ARHGEF10L: variants seen among roughly 807,000 people sequenced by gnomAD.
ARHGEF10L encodes the protein rho guanine nucleotide exchange factor 10-like protein.
A neutral mutation model predicts 141.2 loss-of-function variants in ARHGEF10L; 69 were observed. That is an observed-to-expected ratio of 0.49 (90% confidence interval 0.40 to 0.60). The LOEUF is 0.60. Among genes scored for constraint, ARHGEF10L ranks in the 20% least tolerant of loss-of-function variants. The pLI, the probability that ARHGEF10L is intolerant of heterozygous loss-of-function variation, is 0.00. For synonymous variants in ARHGEF10L, 711 were observed against 718.5 expected (o/e 0.99, Z 0.17); for missense variants, 1,482 against 1,734.3 (o/e 0.85, Z 2.58).
At chr1:17,554,398 G>T (rs375110937) in intron 1 of ARHGEF10L, among the ~76,000 whole-genome samples, 303 of 152,146 alleles carry the variant, frequency 2.0e-3, no homozygotes, top group African/African-American at 7.0e-3. Context: ...GAGGAGCTGA[G>T]GGTCAGACAG....
intron 1 of ARHGEF10L, among the ~76,000 whole-genome samples, chr1:17,543,626 T>C (rs1327276443): frequency 6.6e-6 from 1 of 152,136 alleles, no homozygotes; most frequent in Non-Finnish European, 1.5e-5. Context: ...CATCATTAAG[T>C]AAATTATATA....
In ARHGEF10L at chr1:17,557,388, C is replaced by T. The variant is rs145531355; in HGVS notation, c.-44+17438C>T. On this transcript the variant is annotated intron_variant, in intron 1 of 28. Transcript: ENST00000361221. ...AACCAAAAAAAACAAAAAGAAAATG[C>T]GTAGGAACATGCTAACCTTTTGGGG... is the stretch of plus-strand genomic sequence containing the variant. 3.7e-3 allele frequency among the ~76,000 whole-genome samples: 568 copies of T among 151,920 alleles called. 3 individuals are homozygous for T. The highest frequency in any genetic ancestry group is 0.013 in the African/African-American group (537 of 41,434).
In ARHGEF10L at chr1:17,627,476, C is replaced by A; in HGVS notation, c.1557C>A (p.Ser519Arg). The A allele has an allele frequency of 6.2e-7, 1 of 1,612,484 alleles. No homozygotes were observed. Among genetic ancestry groups the A allele is most frequent in the Non-Finnish European group, 8.5e-7 (1 of 1,179,988 alleles). The change falls in exon 15 of 29, where the codon AGC (serine) becomes AGA (arginine). Residue 519 changes from serine to arginine, a missense_variant. By Grantham distance (110) the Ser-to-Arg change is moderately radical (BLOSUM62 -1). Coordinates refer to ENST00000361221, the MANE Select transcript of ARHGEF10L (RefSeq NM_018125.4). This position sits in a 1 kb window ranked among gnomAD's most constrained non-coding sequence, Gnocchi z 4.0. The stretch of plus-strand genomic sequence containing the variant: ...CTGAGATCCAGCAGCTGACCAAGAG[C>A]GTCAGTGACCGCAGCAGCCTCAACA... Reference protein sequence around the residue: ...QVAEIQQLTKSVSDRSSLNKL... With the variant: ...QVAEIQQLTKRVSDRSSLNKL...
intron 18 of ARHGEF10L, among the ~76,000 whole-genome samples, chr1:17,636,338 A>G (rs1209729784): frequency 6.6e-6 from 1 of 152,200 alleles, no homozygotes; most frequent in Non-Finnish European, 1.5e-5. Context: ...ATACAAACGC[A>G]AAACTCCCTG....
chr1:17,551,060 T>C (rs2077094641), intron 1 of ARHGEF10L, among the ~76,000 whole-genome samples: 1 of 151,944 alleles, frequency 6.6e-6, no homozygotes, highest in Admixed American at 6.6e-5. Flanking sequence ...CACGACTGTG[T>C]AGGGAGTGAG....
At chr1:17,626,176 G>C in intron 14 of ARHGEF10L, 128 bp downstream of exon 14, 1 of 709,050 alleles carries the variant, frequency 1.4e-6, no homozygotes. Context: ...ACCTGCTGTG[G>C]GACTCTGGCC....
At chr1:17,552,214 G>A (rs1289978529) in intron 1 of ARHGEF10L, among the ~76,000 whole-genome samples, 1 of 152,136 alleles carries the variant, frequency 6.6e-6, no homozygotes, top group Admixed American at 6.6e-5. Flanking sequence ...GGGGAGATGG[G>A]GAGCACTTCC....
chr1:17,601,562 C>T (rs1414745582), intron 4 of ARHGEF10L, among the ~76,000 whole-genome samples: 1 of 152,126 alleles, frequency 6.6e-6, no homozygotes, highest in African/African-American at 2.4e-5. Flanking sequence ...TCTTGTGCAC[C>T]AGCCTCCTGA....
the ARHGEF10L span, among the ~76,000 whole-genome samples, chr1:17,520,191 T>C: frequency 5.9e-5 from 9 of 152,200 alleles, no homozygotes; most frequent in Non-Finnish European, 1.3e-4. Context: ...CCGGCTGGCT[T>C]GACTCAGTCT....
rs181962037 is a variant in ARHGEF10L at position 17,597,051 on chromosome 1, C to T, written c.258-5076C>T. On this transcript the variant is annotated intron_variant, in intron 4 of 28. Transcript: ENST00000361221. ...CTTCTGGTGCACTTGAACTCCTCTG[C>T]CGGCAATGTAGGTTGCTGCTTGGGG... 5.0e-4 allele frequency among the ~76,000 whole-genome samples: 76 copies of T among 152,300 alleles called. 1 individual carries two copies. The highest frequency in any genetic ancestry group is 6.8e-3 in the Middle Eastern group (2 of 294).
chr1:17,622,234 G>A (rs904894658), intron 11 of ARHGEF10L, among the ~76,000 whole-genome samples: 5 of 152,174 alleles, frequency 3.3e-5, no homozygotes, highest in African/African-American at 1.2e-4. Context: ...GTGTCCTCCT[G>A]CCACTCTGGA....
chr1:17,634,488 C>A, intron 16 of ARHGEF10L, 60 bp from the exon 17 acceptor site: 1 of 1,614,060 alleles, frequency 6.2e-7, no homozygotes, highest in African/African-American at 1.3e-5. Context: ...GGTCACAGCC[C>A]CCAGATTAGC....
chr1:17,531,978 C>T, the ARHGEF10L span, among the ~76,000 whole-genome samples: 7 of 152,176 alleles, frequency 4.6e-5, no homozygotes, highest in Admixed American at 2.6e-4. Flanking sequence ...ACAGCCTAGG[C>T]GAGCCAGTGG....
the ARHGEF10L span, among the ~76,000 whole-genome samples, chr1:17,525,561 A>G: frequency 6.6e-6 from 1 of 152,334 alleles, no homozygotes; most frequent in African/African-American, 2.4e-5. Context: ...CAGGAGGCTG[A>G]GATGGAAGGA....
chr1:17,626,168 C>T, intron 14 of ARHGEF10L, 120 bp downstream of exon 14: 2 of 758,834 alleles, frequency 2.6e-6, no homozygotes, highest in Non-Finnish European at 4.4e-6. Context: ...CCCACCCAAC[C>T]TGCTGTGGGA....
chr1:17,617,648 G>A (rs2059879668), intron 9 of ARHGEF10L, among the ~76,000 whole-genome samples: 1 of 152,256 alleles, frequency 6.6e-6, no homozygotes, highest in South Asian at 2.1e-4. Context: ...TGCAGCAGAA[G>A]GAACACAGGC....
chr1:17,656,701 G>A lies in ARHGEF10L; in HGVS notation c.2853G>A (p.Arg951=). ...ATGGGACCCTTGCTGCTTACCCTCG[G>A]ACCAGCGGTGAGGACTGGGGGGAAT... ...LQDGTLAAYP[R]TSGGVLWDLE... is the part of the protein sequence containing the mutation. Residue 951 remains arginine (R), a synonymous_variant, in exon 25 of 29, where the codon CGG becomes CGA. Coordinates refer to ENST00000361221, the MANE Select transcript of ARHGEF10L (RefSeq NM_018125.4). The surrounding 1 kb of genome is among the most constrained non-coding windows in gnomAD (Gnocchi z 4.9). 1 of 1,612,456 alleles carries A rather than the reference G, an allele frequency of 6.2e-7. No homozygotes were observed. The highest frequency in any genetic ancestry group is 8.5e-7 in the Non-Finnish European group (1 of 1,179,712).
At chr1:17,548,278 T>G (rs2100684445) in intron 1 of ARHGEF10L, among the ~76,000 whole-genome samples, 1 of 152,280 alleles carries the variant, frequency 6.6e-6, no homozygotes, top group South Asian at 2.1e-4. Flanking sequence ...ATATATGTAT[T>G]TTTTTACTGT....
Position 17,695,210 on chromosome 1 carries a change from G to T in ARHGEF10L, c.3237G>T (p.Trp1079Cys). The change falls in exon 28 of 29, where the codon TGG becomes TGT. Residue 1079 changes from tryptophan (W) to cysteine (C), a missense_variant. Trp to Cys is a radical substitution (Grantham distance 215). This residue lies in a region of ARHGEF10L where 858 missense variants were observed against 966.3 expected (regional missense o/e 0.89). Transcript: ENST00000361221. ...TCCTGATCTGCCAGGGTCTGCTCTG[G>T]GTGGGCACTGACCAGGGTGTCATCG... is the stretch of plus-strand genomic sequence containing the variant. Reference protein sequence around the residue: ...TSLLICQGLLWVGTDQGVIVL... With the variant: ...TSLLICQGLLCVGTDQGVIVL... 1.9e-6 allele frequency: 3 copies of T among 1,612,612 alleles called. No homozygotes were observed. The highest frequency in any genetic ancestry group is 2.5e-6 in the Non-Finnish European group (3 of 1,179,750).
Sources: allele counts gnomAD v4.1 joint callset (sites outside exome capture counted in the v4.1 genomes callset), GRCh38; gene constraint gnomAD v4.1.1; regional missense constraint gnomAD v4.1.1; non-coding constraint Gnocchi (gnomAD v3.1); transcripts MANE v1.5; gene names NCBI Gene and HGNC (gene_info 2026-07-23, HGNC 2026-07-21).